The following ARMC3 variants were observed in gnomAD, a reference collection of about 807,000 sequenced individuals.
ARMC3 encodes armadillo repeat-containing protein 3.
Under a neutral mutation model 90.3 loss-of-function variants are expected in ARMC3, and 74 were observed. That is an observed-to-expected ratio of 0.82 (90% CI 0.68 to 0.99). The LOEUF is 0.99. ARMC3 is among the 50% of genes least tolerant of loss of function. The pLI is 0.00. For missense variants in ARMC3, 958 were observed against 1,042.8 expected, an observed-to-expected ratio of 0.92 and a Z score of 1.12; for synonymous variants, 334 against 361.8, an observed-to-expected ratio of 0.92 and a Z score of 0.87.
At chr10:22,993,981 G>C (rs1393688638) in intron 10 of ARMC3, among the ~76,000 whole-genome samples, 1 of 152,164 alleles carries the variant, frequency 6.6e-6, no homozygotes, top group Non-Finnish European at 1.5e-5. Flanking sequence ...TGAAAAATCT[G>C]CTGAATTCCA....
chr10:23,030,919 T>C (rs183055030), intron 17 of ARMC3, 123 bp downstream of exon 17: 164 of 1,066,686 alleles, frequency 1.5e-4, no homozygotes, highest in Admixed American at 9.9e-4. Context: ...ACTCTGACTC[T>C]GACACAGAAA....
chr10:23,001,323 G>C (rs2131420153), intron 11 of ARMC3, among the ~76,000 whole-genome samples: 1 of 152,320 alleles, frequency 6.6e-6, no homozygotes, highest in South Asian at 2.1e-4. Flanking sequence ...TCAGCTTCCA[G>C]GGGCTTCCCA....
chr10:22,954,550 T>C (rs1222084499), intron 3 of ARMC3, among the ~76,000 whole-genome samples: 1 of 150,970 alleles, frequency 6.6e-6, no homozygotes, highest in Non-Finnish European at 1.5e-5. Flanking sequence ...TGGTTGCCTA[T>C]AGTCCCAGCT....
intron 11 of ARMC3, among the ~76,000 whole-genome samples, chr10:23,001,073 C>T (rs1476584550): frequency 6.6e-6 from 1 of 152,190 alleles, no homozygotes; most frequent in Non-Finnish European, 1.5e-5. Flanking sequence ...AAAGATGGGT[C>T]TTTCTCTGGA....
At chr10:22,974,032 A>C (rs1835807943) in intron 8 of ARMC3, among the ~76,000 whole-genome samples, 1 of 152,098 alleles carries the variant, frequency 6.6e-6, no homozygotes. Flanking sequence ...TGCTGGGATT[A>C]CAGGCGTGAG....
chr10:23,014,635 A>T (rs1838183547), intron 16 of ARMC3: 1 of 452,626 alleles, frequency 2.2e-6, no homozygotes, highest in Non-Finnish European at 2.9e-6. Flanking sequence ...AAAGAGTGAG[A>T]TCATGTTCTT....
intron 3 of ARMC3, among the ~76,000 whole-genome samples, chr10:22,952,822 C>T (rs906461436): frequency 6.6e-6 from 1 of 152,150 alleles, no homozygotes; most frequent in African/African-American, 2.4e-5. Context: ...AAAAAGCAAA[C>T]ACATCATGAC....
At chr10:22,958,982 C>T in intron 4 of ARMC3, 88 bp from the exon 5 acceptor site, 1 of 1,104,596 alleles carries the variant, frequency 9.1e-7, no homozygotes, top group Non-Finnish European at 1.4e-6. Context: ...CTCAGCCTTT[C>T]AAAGTGCTGG....
chr10:22,937,811 T>C (rs1264683278), intron 2 of ARMC3, among the ~76,000 whole-genome samples: 2 of 152,150 alleles, frequency 1.3e-5, no homozygotes, highest in African/African-American at 4.8e-5. Context: ...TTACAGACAT[T>C]TTCCAAGTAC....
At chr10:22,985,404 C>T (rs897957579) in intron 10 of ARMC3, among the ~76,000 whole-genome samples, 7 of 152,148 alleles carry the variant, frequency 4.6e-5, no homozygotes, top group Non-Finnish European at 2.9e-5. Context: ...CCTTATCAAG[C>T]TTCTGAGAGC....
At chr10:22,941,664 TAG>T (rs1834334835) in intron 2 of ARMC3, among the ~76,000 whole-genome samples, 1 of 152,188 alleles carries the variant, frequency 6.6e-6, no homozygotes, top group South Asian at 2.1e-4. Context: ...TCTGATGTAA[TAG>T]AACATGTGCA....
At position 22,977,679 on chromosome 10, in the gene ARMC3, A is replaced by T. The variant is rs141375457; in HGVS notation, c.917-3661A>T. On this transcript the variant is annotated intron_variant, in intron 8 of 18. Coordinates refer to ENST00000298032, the MANE Select transcript of ARMC3 (RefSeq NM_173081.5). ...GCAACTCTACAAAAACTGAAAAAGT[A>T]TGCCAGGTAGGTCTTCAAATTCAGT... 2.7e-3 allele frequency among the ~76,000 whole-genome samples: 411 copies of T among 152,372 alleles called. 6 individuals carry two copies. Among genetic ancestry groups the T allele is most frequent in the African/African-American group, 8.6e-3 (356 of 41,592 alleles).
chr10:22,966,038 A>G (rs1835424361), intron 7 of ARMC3, among the ~76,000 whole-genome samples: 1 of 152,216 alleles, frequency 6.6e-6, no homozygotes, highest in Non-Finnish European at 1.5e-5. Flanking sequence ...AGCATTGTAG[A>G]TAATACTTTC....
chr10:23,017,730 C>G (rs144270503), intron 16 of ARMC3, among the ~76,000 whole-genome samples: 3,162 of 152,352 alleles, frequency 0.021, 113 homozygotes, highest in African/African-American at 0.073. Flanking sequence ...CGCACTACTG[C>G]ATTCCAGCCT....
rs747202840 is a variant in ARMC3 at position 22,981,715 on chromosome 10, C to T, written c.1175+15C>T. 1.7e-5 allele frequency: 27 copies of T among 1,595,542 alleles called. No individual in the cohort carries two copies. In the South Asian group the frequency reaches 2.6e-4, roughly 15 times the overall value. On this transcript the variant is annotated intron_variant, in intron 10 of 18. Coordinates refer to ENST00000298032, the MANE Select transcript of ARMC3 (RefSeq NM_173081.5). ...GCTAATGCAAAGTAAGTTCAGAGAT[C>T]CTCACCCAGCACTGACTTGTGGGAC...
intron 10 of ARMC3, among the ~76,000 whole-genome samples, chr10:22,992,318 C>T (rs1050986268): frequency 2.6e-5 from 4 of 152,222 alleles, no homozygotes; most frequent in South Asian, 2.1e-4. Flanking sequence ...ATAATGTCAC[C>T]GCGGCTGCAA....
intron 8 of ARMC3, among the ~76,000 whole-genome samples, chr10:22,978,165 C>G (rs1195987258): frequency 6.6e-6 from 1 of 152,174 alleles, no homozygotes; most frequent in Non-Finnish European, 1.5e-5. Context: ...TTTTCAGGTC[C>G]TACCTGTATT....
chr10:22,939,598 A>G (rs1465112176), intron 2 of ARMC3, among the ~76,000 whole-genome samples: 1 of 152,188 alleles, frequency 6.6e-6, no homozygotes, highest in Non-Finnish European at 1.5e-5. Context: ...CGGGCTTTAA[A>G]TAGATTAACC....
intron 10 of ARMC3, among the ~76,000 whole-genome samples, chr10:22,995,215 C>CT (rs1300904949): frequency 6.6e-6 from 1 of 151,992 alleles, no homozygotes; most frequent in East Asian, 1.9e-4. Flanking sequence ...TAATTCAATT[C>CT]TTTTTTGTTT....
Sources: gnomAD v4.1 joint callset for allele counts (sites outside exome capture counted in the v4.1 genomes callset) on GRCh38, gnomAD v4.1.1 for gene constraint, MANE v1.5 for transcripts, NCBI Gene and HGNC (gene_info 2026-07-23, HGNC 2026-07-21) for gene names.